The following ANXA8 variants were observed in gnomAD, a reference collection of about 807,000 sequenced individuals.
The protein encoded by ANXA8 is annexin A8.
A neutral mutation model predicts 26.8 loss-of-function variants in ANXA8; 9 were observed. The ratio of observed to expected loss-of-function variants is 0.34; its 90% CI spans 0.20 to 0.59. The LOEUF is 0.59. ANXA8 is among the 20% of genes least tolerant of loss of function. ANXA8 has a pLI of 0.84. For synonymous variants in ANXA8, 39 were observed against 94.8 expected, an observed-to-expected ratio of 0.41 and a Z score of 3.42; for missense variants, 83 against 238.5, an observed-to-expected ratio of 0.35 and a Z score of 4.29.
chr10:47,483,905 C>T lies in ANXA8; in HGVS notation c.21+8G>A. 1.2e-6 allele frequency: 2 copies of T among 1,611,724 alleles called. No individual in the cohort carries two copies. The highest frequency in any genetic ancestry group is 1.7e-6 in the Non-Finnish European group (2 of 1,179,848). On this transcript the variant is annotated splice_region_variant and intron_variant, in intron 1 of 11. Transcript: ENST00000585281. ...AGGAACCCAAATCTCCTGCCAGCTCCCACTTACCCAGGATTTCCACCAGGC... is the reference window on the plus strand; with the variant it reads ...AGGAACCCAAATCTCCTGCCAGCTCTCACTTACCCAGGATTTCCACCAGGC...
the ANXA8 span, among the ~76,000 whole-genome samples, chr10:47,680,407 G>C: frequency 3.3e-5 from 5 of 151,830 alleles, no homozygotes; most frequent in Admixed American, 2.6e-4. Flanking sequence ...GTCTGCGGTG[G>C]GTGGATCACC....
chr10:47,681,227 T>A, the ANXA8 span, among the ~76,000 whole-genome samples: 1 of 151,730 alleles, frequency 6.6e-6, no homozygotes, highest in Non-Finnish European at 1.5e-5. Flanking sequence ...AAATTGGAAG[T>A]AGAGCACGGG....
chr10:47,702,725 C>T, the ANXA8 span, among the ~76,000 whole-genome samples: 5 of 151,868 alleles, frequency 3.3e-5, no homozygotes, highest in African/African-American at 1.2e-4. Flanking sequence ...CTTCCGCCTC[C>T]TGGGCTCAAG....
the ANXA8 span, among the ~76,000 whole-genome samples, chr10:47,647,217 T>A: frequency 6.6e-6 from 1 of 152,188 alleles, no homozygotes; most frequent in South Asian, 2.1e-4. Context: ...TCAATTTGTA[T>A]AGGACTCTTG....
the ANXA8 span, chr10:47,753,151 G>A: frequency 4.1e-6 from 4 of 975,908 alleles, no homozygotes; most frequent in Non-Finnish European, 4.8e-6. Context: ...AAGGAAAAAA[G>A]AGAAAGAGAT....
the ANXA8 span, chr10:47,502,088 T>G: frequency 6.4e-7 from 1 of 1,569,786 alleles, no homozygotes; most frequent in Non-Finnish European, 8.7e-7. Context: ...CACGCACTCG[T>G]CGGGGCAGCC....
At chr10:47,951,603 A>G in the ANXA8 span, among the ~76,000 whole-genome samples, 3 of 150,534 alleles carry the variant, frequency 2.0e-5, no homozygotes, top group African/African-American at 7.4e-5. Flanking sequence ...TGAGGCCAGG[A>G]GTTCAAGACC....
the ANXA8 span, among the ~76,000 whole-genome samples, chr10:47,980,285 G>A: frequency 1.3e-5 from 2 of 151,550 alleles, no homozygotes; most frequent in African/African-American, 4.8e-5. Context: ...CAATACTTAG[G>A]GAGACTTTTA....
At chr10:47,554,114 T>A in the ANXA8 span, among the ~76,000 whole-genome samples, 3 of 140,920 alleles carry the variant, frequency 2.1e-5, no homozygotes, top group Non-Finnish European at 4.6e-5. Flanking sequence ...TCTCAAAAAA[T>A]AAATAAATAA....
chr10:47,680,300 T>G, the ANXA8 span, among the ~76,000 whole-genome samples: 2 of 151,998 alleles, frequency 1.3e-5, no homozygotes, highest in Non-Finnish European at 2.9e-5. Context: ...TTTCACTAAC[T>G]GCTCTGATTG....
chr10:47,490,140 C>T, the ANXA8 span: 1 of 213,584 alleles, frequency 4.7e-6, no homozygotes, highest in African/African-American at 2.3e-5. Context: ...TCCAAAGCCT[C>T]ATCCACTAAG....
the ANXA8 span, among the ~76,000 whole-genome samples, chr10:47,778,687 C>T: frequency 4.7e-4 from 72 of 151,824 alleles, 1 homozygote; most frequent in South Asian, 6.1e-3. Context: ...ACCATAAAGG[C>T]GCCTTTGAAA....
At chr10:47,735,700 G>C in the ANXA8 span, among the ~76,000 whole-genome samples, 1 of 151,658 alleles carries the variant, frequency 6.6e-6, no homozygotes, top group Non-Finnish European at 1.5e-5. Context: ...GTGCAGTGGT[G>C]TGATCATGGC....
chr10:47,652,298 C>T, the ANXA8 span, among the ~76,000 whole-genome samples: 2 of 151,292 alleles, frequency 1.3e-5, no homozygotes, highest in African/African-American at 2.5e-5. Context: ...AATTTTATCT[C>T]AATTAAAAAA....
At chr10:47,486,825 T>C, upstream of ANXA8, among the ~76,000 whole-genome samples, 1 of 136,490 alleles carries the variant, frequency 7.3e-6, no homozygotes, top group African/African-American at 2.7e-5. Flanking sequence ...TAATAAAAAT[T>C]AGCCAGAGAT....
At chr10:47,985,209 T>C in the ANXA8 span, among the ~76,000 whole-genome samples, 1 of 149,342 alleles carries the variant, frequency 6.7e-6, no homozygotes, top group Admixed American at 6.7e-5. Flanking sequence ...TGTGGAAATA[T>C]ACTTAACATC....
the ANXA8 span, among the ~76,000 whole-genome samples, chr10:47,556,360 C>G: frequency 1.3e-5 from 2 of 151,818 alleles, no homozygotes; most frequent in African/African-American, 4.9e-5. Context: ...GCCTTTATCC[C>G]TTTGAAAGTT....
the ANXA8 span, among the ~76,000 whole-genome samples, chr10:47,675,725 C>G: frequency 6.6e-6 from 1 of 151,352 alleles, no homozygotes; most frequent in African/African-American, 2.4e-5. Context: ...TTACAAGGCA[C>G]AAGAAAAGCA....
chr10:47,652,458 G>T, the ANXA8 span, among the ~76,000 whole-genome samples: 29 of 151,404 alleles, frequency 1.9e-4, no homozygotes, highest in African/African-American at 7.1e-4. Flanking sequence ...TTGGCTGGGC[G>T]TGTTGGTACA....
Sources: allele counts gnomAD v4.1 joint callset (sites outside exome capture counted in the v4.1 genomes callset), GRCh38; gene constraint gnomAD v4.1.1; transcripts MANE v1.5; gene names NCBI Gene and HGNC (gene_info 2026-07-23, HGNC 2026-07-21).